The following CADM2 variants were observed in gnomAD, a reference collection of about 807,000 sequenced individuals.
CADM2 encodes the protein immunoglobulin superfamily member 4D.
CADM2 carries 12 observed loss-of-function variants against 49.8 expected under a neutral mutation model. That is an observed-to-expected ratio of 0.24 (90% CI 0.15 to 0.39). The LOEUF is 0.39. Ranked by LOEUF, CADM2 falls within the 10% of genes least tolerant of loss-of-function variation. The probability of loss-of-function intolerance (pLI) is 1.00; values close to 1 mark genes in which losing one functional copy is unlikely to be tolerated. For missense variants in CADM2, 378 were observed against 492.3 expected (o/e 0.77, Z 2.20); for synonymous variants, 214 against 175.4 (o/e 1.22, Z -1.74).
intron 1 of CADM2, among the ~76,000 whole-genome samples, chr3:85,165,185 C>A (rs1559698693): frequency 6.6e-6 from 1 of 151,790 alleles, no homozygotes; most frequent in Admixed American, 6.6e-5. Flanking sequence ...ATAATCAAAT[C>A]TCTTGAATTA....
intron 1 of CADM2, among the ~76,000 whole-genome samples, chr3:85,088,950 A>T (rs891625279): frequency 2.0e-5 from 3 of 152,100 alleles, no homozygotes; most frequent in Admixed American, 6.6e-5. Flanking sequence ...TGTGTTTAGT[A>T]GGCACGGGAA....
At chr3:85,128,300 C>T (rs2107604704) in intron 1 of CADM2, among the ~76,000 whole-genome samples, 1 of 152,220 alleles carries the variant, frequency 6.6e-6, no homozygotes, top group South Asian at 2.1e-4. Flanking sequence ...AATGGTTTTC[C>T]TTCCTTGACC....
chr3:86,020,617 C>T (rs1265966296), intron 8 of CADM2, among the ~76,000 whole-genome samples: 3 of 151,870 alleles, frequency 2.0e-5, no homozygotes, highest in African/African-American at 4.8e-5. Context: ...AATCCAGCAG[C>T]ACATCAAAAA....
intron 1 of CADM2, among the ~76,000 whole-genome samples, chr3:85,032,220 T>TC (rs1454594684): frequency 6.6e-6 from 1 of 151,862 alleles, no homozygotes; most frequent in Non-Finnish European, 1.5e-5. Flanking sequence ...TACTGGTTTT[T>TC]TTTTTTTATC....
At chr3:85,666,282 T>C (rs1426614409) in intron 1 of CADM2, among the ~76,000 whole-genome samples, 1 of 151,966 alleles carries the variant, frequency 6.6e-6, no homozygotes, top group African/African-American at 2.4e-5. Context: ...GTGTTACGTA[T>C]CTCAATGTTA....
At chr3:85,085,611 A>T (rs886876716) in intron 1 of CADM2, among the ~76,000 whole-genome samples, 5 of 152,104 alleles carry the variant, frequency 3.3e-5, no homozygotes, top group Non-Finnish European at 5.9e-5. Context: ...ACTTTGCTGC[A>T]TATCACTTCT....
chr3:85,474,268 G>A (rs1431304589), intron 1 of CADM2, among the ~76,000 whole-genome samples: 1 of 151,766 alleles, frequency 6.6e-6, no homozygotes, highest in African/African-American at 2.4e-5. Context: ...CTGCAGAGTA[G>A]GCTAGAGACC....
chr3:85,001,339 C>T (rs961765676), intron 1 of CADM2, among the ~76,000 whole-genome samples: 10 of 151,878 alleles, frequency 6.6e-5, no homozygotes, highest in Non-Finnish European at 1.0e-4. Flanking sequence ...ATTTATTGAT[C>T]TATTTTATCT....
At chr3:85,381,601 T>A (rs201662615) in intron 1 of CADM2, among the ~76,000 whole-genome samples, 1 of 122,098 alleles carries the variant, frequency 8.2e-6, no homozygotes, top group Non-Finnish European at 1.8e-5. Context: ...TTTTTTTTTT[T>A]ATTAAAAGCC....
At chr3:85,396,472 T>A (rs2034797093) in intron 1 of CADM2, among the ~76,000 whole-genome samples, 1 of 152,040 alleles carries the variant, frequency 6.6e-6, no homozygotes, top group African/African-American at 2.4e-5. Flanking sequence ...AATATATTTT[T>A]CTTTACACTA....
At chr3:85,201,119 A>C (rs1358293292) in intron 1 of CADM2, among the ~76,000 whole-genome samples, 1 of 152,308 alleles carries the variant, frequency 6.6e-6, no homozygotes, top group East Asian at 1.9e-4. Context: ...TTGATTCTGC[A>C]AATGATTTAA....
At chr3:85,580,805 A>G (rs1362254230) in intron 1 of CADM2, among the ~76,000 whole-genome samples, 1 of 152,134 alleles carries the variant, frequency 6.6e-6, no homozygotes, top group Admixed American at 6.6e-5. Context: ...TTATATTATA[A>G]TAATCTTTCA....
chr3:85,168,371 T>C (rs987503103), intron 1 of CADM2, among the ~76,000 whole-genome samples: 2 of 152,128 alleles, frequency 1.3e-5, no homozygotes, highest in Admixed American at 1.3e-4. Context: ...CCGTAAACTT[T>C]ATAGCTTTAG....
intron 3 of CADM2, among the ~76,000 whole-genome samples, chr3:85,804,317 A>G (rs1246970654): frequency 6.6e-6 from 1 of 152,154 alleles, no homozygotes; most frequent in African/African-American, 2.4e-5. Flanking sequence ...ATACATATTT[A>G]AAGTAATATG....
At chr3:85,477,583 GA>G (rs1234729281) in intron 1 of CADM2, among the ~76,000 whole-genome samples, 1 of 151,824 alleles carries the variant, frequency 6.6e-6, no homozygotes, top group East Asian at 1.9e-4. Flanking sequence ...CAAAGCAAAA[GA>G]AAATACAGGA....
At chr3:85,058,122 G>A (rs886965756) in intron 1 of CADM2, among the ~76,000 whole-genome samples, 1 of 152,120 alleles carries the variant, frequency 6.6e-6, no homozygotes, top group East Asian at 1.9e-4. Context: ...TAATGCACAT[G>A]TATGTAAACT....
At chr3:85,863,709 C>T (rs904492226) in intron 3 of CADM2, among the ~76,000 whole-genome samples, 6 of 152,118 alleles carry the variant, frequency 3.9e-5, no homozygotes, top group South Asian at 2.1e-4. Context: ...GTTATAGTAG[C>T]GAAAAATGAT....
intron 1 of CADM2, among the ~76,000 whole-genome samples, chr3:85,023,029 C>T (rs1268558129): frequency 6.6e-6 from 1 of 151,860 alleles, no homozygotes; most frequent in African/African-American, 2.4e-5. Flanking sequence ...AATAAAATAG[C>T]AAAGACTATT....
At chr3:85,480,642 T>C (rs868669317) in intron 1 of CADM2, among the ~76,000 whole-genome samples, 15 of 151,914 alleles carry the variant, frequency 9.9e-5, no homozygotes, top group South Asian at 2.1e-4. Flanking sequence ...TACTGACCTG[T>C]TAACCGCTAT....
Sources: gnomAD v4.1 joint callset for allele counts (sites outside exome capture counted in the v4.1 genomes callset) on GRCh38, gnomAD v4.1.1 for gene constraint, MANE v1.5 for transcripts, NCBI Gene and HGNC (gene_info 2026-07-23, HGNC 2026-07-21) for gene names.